The following STK3 variants were observed in gnomAD, a reference collection of about 807,000 sequenced individuals.
STK3 encodes the protein serine/threonine-protein kinase 3.
Under a neutral mutation model 58.0 loss-of-function variants are expected in STK3, and 41 were observed. The observed-to-expected ratio is 0.71, with a 90% confidence interval of 0.55 to 0.92. STK3 has a LOEUF of 0.92. Ranked by LOEUF, STK3 falls within the 40% of genes least tolerant of loss-of-function variation. STK3 has a pLI of 0.00. For synonymous variants in STK3, 170 were observed against 191.0 expected (o/e 0.89, Z 0.91); for missense variants, 479 against 602.7 (o/e 0.79, Z 2.15).
chr8:98,834,833 G>C (rs192528345), intron 3 of STK3, among the ~76,000 whole-genome samples: 2 of 152,308 alleles, frequency 1.3e-5, no homozygotes, highest in Admixed American at 1.3e-4. Flanking sequence ...TAAATGATGA[G>C]ATTCAGAAAA....
chr8:98,671,945 G>A (rs1204298801), intron 6 of STK3, among the ~76,000 whole-genome samples: 1 of 152,026 alleles, frequency 6.6e-6, no homozygotes, highest in East Asian at 1.9e-4. Context: ...TTTTATAAAG[G>A]GCTTCCCCCT....
At chr8:98,839,149 T>C (rs1057128004) in intron 3 of STK3, among the ~76,000 whole-genome samples, 4 of 151,958 alleles carry the variant, frequency 2.6e-5, no homozygotes, top group Non-Finnish European at 4.4e-5. Context: ...CAGGCTCAGG[T>C]AATCCTCTTG....
intron 6 of STK3, among the ~76,000 whole-genome samples, chr8:98,674,767 G>T (rs936458056): frequency 2.0e-5 from 3 of 152,050 alleles, no homozygotes; most frequent in African/African-American, 7.2e-5. Flanking sequence ...AGAATAATTC[G>T]TATCTTCCGT....
intron 3 of STK3, among the ~76,000 whole-genome samples, chr8:98,873,012 G>C (rs1266657140): frequency 6.6e-6 from 1 of 152,142 alleles, no homozygotes; most frequent in African/African-American, 2.4e-5. Flanking sequence ...TGCTTTAAAT[G>C]TGTCCCAGAG....
upstream of STK3, among the ~76,000 whole-genome samples, chr8:98,390,866 C>T (rs190267206): frequency 1.2e-4 from 19 of 152,290 alleles, no homozygotes; most frequent in Admixed American, 1.1e-3. Context: ...TACATTTCTA[C>T]ATTCTAAAAT....
intron 3 of STK3, among the ~76,000 whole-genome samples, chr8:98,835,723 C>T (rs540731585): frequency 3.3e-5 from 5 of 152,330 alleles, no homozygotes; most frequent in Non-Finnish European, 7.3e-5. Flanking sequence ...CATGGCACTA[C>T]AGTAACTTCT....
intron 1 of STK3, among the ~76,000 whole-genome samples, chr8:98,795,103 A>AAT (rs1222756810): frequency 3.1e-5 from 2 of 64,712 alleles, no homozygotes; most frequent in Non-Finnish European, 5.3e-5. Flanking sequence ...AAAAAAAAAA[A>AAT]ATATATATAT....
At chr8:98,499,427 C>G (rs1823400243) in intron 10 of STK3, among the ~76,000 whole-genome samples, 1 of 152,074 alleles carries the variant, frequency 6.6e-6, no homozygotes, top group Non-Finnish European at 1.5e-5. Context: ...AAAACAAAAA[C>G]CTAAAACTAT....
intron 6 of STK3, among the ~76,000 whole-genome samples, chr8:98,690,389 C>T (rs757759142): frequency 3.3e-5 from 5 of 149,958 alleles, no homozygotes; most frequent in African/African-American, 4.9e-5. Flanking sequence ...CACTTCTATA[C>T]GCTAATAATG....
In STK3 at chr8:98,629,833, G is replaced by C. The variant is rs556942938; in HGVS notation, c.685-33664C>G. Among the ~76,000 whole-genome samples the C allele has an allele frequency of 1.1e-4, 16 of 152,108 alleles. 1 individual carries two copies. Among genetic ancestry groups the C allele is most frequent in the Admixed American group, 7.9e-4 (12 of 15,268 alleles). On this transcript the variant is annotated intron_variant, in intron 6 of 10. Transcript: ENST00000419617. ...AACTACCCCTCCTTGAGTGCTTTTC[G>C]CATGCAAACCACTCAATCTAAAACT...
downstream of STK3, among the ~76,000 whole-genome samples, chr8:98,399,771 T>C (rs16896973): frequency 0.012 from 1,881 of 152,254 alleles, 33 homozygotes; most frequent in African/African-American, 0.043. Context: ...CTGGCCACTA[T>C]GTCACCAACT....
intron 7 of STK3, chr8:98,595,668 T>C (rs1447794761): frequency 6.3e-6 from 1 of 159,648 alleles, no homozygotes; most frequent in African/African-American, 2.4e-5. Flanking sequence ...AACTGATATT[T>C]ACAACGTGAT....
intron 6 of STK3, among the ~76,000 whole-genome samples, chr8:98,665,583 C>T (rs1242490084): frequency 6.6e-6 from 1 of 151,974 alleles, no homozygotes; most frequent in African/African-American, 2.4e-5. Context: ...TTTGTAGAGA[C>T]AAGGTCTCAC....
intron 6 of STK3, among the ~76,000 whole-genome samples, chr8:98,604,637 C>T (rs1266578186): frequency 2.0e-5 from 3 of 152,188 alleles, no homozygotes; most frequent in African/African-American, 7.2e-5. Flanking sequence ...CCTCTAAAAT[C>T]TAGGCTGGGG....
At chr8:98,867,784 T>A (rs1472378527) in intron 3 of STK3, among the ~76,000 whole-genome samples, 1 of 152,186 alleles carries the variant, frequency 6.6e-6, no homozygotes, top group Admixed American at 6.5e-5. Flanking sequence ...TAACAGTACA[T>A]GCCTCACAGG....
chr8:98,690,121 T>A (rs906419114), intron 6 of STK3, among the ~76,000 whole-genome samples: 1 of 152,144 alleles, frequency 6.6e-6, no homozygotes, highest in Non-Finnish European at 1.5e-5. Context: ...TGCATTCCCT[T>A]AAGAACTGGA....
intron 10 of STK3, among the ~76,000 whole-genome samples, chr8:98,472,179 C>T (rs1820973176): frequency 6.6e-6 from 1 of 151,990 alleles, no homozygotes; most frequent in South Asian, 2.1e-4. Context: ...GATTTGAATC[C>T]AAGGGAACTG....
At chr8:98,451,885 C>CA (rs754984734), downstream of STK3, among the ~76,000 whole-genome samples, 7,212 of 73,972 alleles carry the variant, frequency 0.097, 205 homozygotes, top group South Asian at 0.19. Context: ...TCTTTCAGGC[C>CA]AAAAAAAAAA....
At chr8:98,607,062 G>A (rs1816834823) in intron 6 of STK3, among the ~76,000 whole-genome samples, 5 of 152,210 alleles carry the variant, frequency 3.3e-5, no homozygotes, top group Admixed American at 3.3e-4. Context: ...CAGAACCACA[G>A]TACACTCAAT....
Sources: allele counts gnomAD v4.1 joint callset (sites outside exome capture counted in the v4.1 genomes callset), GRCh38; gene constraint gnomAD v4.1.1; transcripts MANE v1.5; gene names NCBI Gene and HGNC (gene_info 2026-07-23, HGNC 2026-07-21).